The following PDXDC1 variants were observed in gnomAD, a reference collection of about 807,000 sequenced individuals.
PDXDC1 encodes the protein pyridoxal dependent decarboxylase domain containing 1.
Under a neutral mutation model 100.1 loss-of-function variants are expected in PDXDC1, and 42 were observed. The ratio of observed to expected loss-of-function variants is 0.42; its 90% CI spans 0.33 to 0.54. The LOEUF is 0.54. Ranked by LOEUF, PDXDC1 falls within the 20% of genes least tolerant of loss-of-function variation. The pLI is 0.10. For missense variants in PDXDC1, 636 were observed against 979.2 expected, an observed-to-expected ratio of 0.65 and a Z score of 4.68; for synonymous variants, 260 against 371.7, an observed-to-expected ratio of 0.70 and a Z score of 3.46.
chr16:15,056,667 CCTGTGAT>C (rs1180124482), intron 16 of PDXDC1, among the ~76,000 whole-genome samples: 2 of 152,116 alleles, frequency 1.3e-5, no homozygotes, highest in Non-Finnish European at 1.5e-5. Flanking sequence ...GTGGCATGCA[CCTGTGAT>C]CCCAGCCACT....
rs1267932885 is a variant in PDXDC1 at position 15,037,914 on chromosome 16, C to T, written c.*1639C>T. ...TTTGATGAAAGTCATTTGAAAGACA[C>T]TGAGGAGGGAAGGAGGCCTAAGACC... On this transcript the variant is annotated 3_prime_UTR_variant, in exon 23 of 23. Coordinates refer to ENST00000396410, the MANE Select transcript of PDXDC1 (RefSeq NM_015027.4). 5 of 637,706 alleles carry T rather than the reference C, an allele frequency of 7.8e-6. No homozygotes were observed. Among genetic ancestry groups the T allele is most frequent in the African/African-American group, 5.5e-5 (3 of 54,770 alleles). 39.5% of individuals were successfully genotyped at this position (637,706 alleles called of 1,614,324 possible).
chr16:15,142,218 T>G (rs1008326564), downstream of PDXDC1, among the ~76,000 whole-genome samples: 1 of 152,036 alleles, frequency 6.6e-6, no homozygotes, highest in African/African-American at 2.4e-5. Flanking sequence ...TGGGGGCAGG[T>G]CAGCCGAGGA....
chr16:15,035,285 C>T (rs1019660383), intron 21 of PDXDC1, among the ~76,000 whole-genome samples, 164 bp from the exon 22 acceptor site: 1 of 152,164 alleles, frequency 6.6e-6, no homozygotes, highest in African/African-American at 2.4e-5. Context: ...AGGTGGCTTT[C>T]TCTAGCTCAC....
intron 16 of PDXDC1, among the ~76,000 whole-genome samples, chr16:15,057,231 G>GTTC (rs1246540110): frequency 1.3e-5 from 2 of 152,098 alleles, no homozygotes; most frequent in African/African-American, 4.8e-5. Context: ...AGAAGATGGT[G>GTTC]TTCCCATCGC....
chr16:15,031,271 TAA>T (rs2043049258), intron 16 of PDXDC1, among the ~76,000 whole-genome samples: 1 of 152,064 alleles, frequency 6.6e-6, no homozygotes, highest in South Asian at 2.1e-4. Flanking sequence ...ACTTAGTCTC[TAA>T]AACTGCAAAA....
chr16:15,023,650 G>A (rs1487218168), intron 13 of PDXDC1, among the ~76,000 whole-genome samples: 2 of 152,264 alleles, frequency 1.3e-5, no homozygotes, highest in African/African-American at 4.8e-5. Flanking sequence ...CAGAGACCCT[G>A]TCTCAAGGAA....
At chr16:15,146,797 C>G in the PDXDC1 span, among the ~76,000 whole-genome samples, 3 of 152,088 alleles carry the variant, frequency 2.0e-5, no homozygotes, top group South Asian at 6.2e-4. Flanking sequence ...CCTGAGGGAA[C>G]CGACAGAGCT....
chr16:15,077,021 C>T (rs2045488700), intron 16 of PDXDC1, among the ~76,000 whole-genome samples: 1 of 150,914 alleles, frequency 6.6e-6, no homozygotes, highest in Non-Finnish European at 1.5e-5. Context: ...CTCTTGTTGC[C>T]CAGGCTGGAA....
the PDXDC1 span, among the ~76,000 whole-genome samples, chr16:15,149,069 G>A: frequency 1.3e-5 from 2 of 152,200 alleles, no homozygotes; most frequent in Non-Finnish European, 2.9e-5. Flanking sequence ...CATGCAGGAT[G>A]CAGGTCCTCA....
chr16:14,977,252 C>CA (rs1434033636), intron 1 of PDXDC1, among the ~76,000 whole-genome samples: 6 of 138,268 alleles, frequency 4.3e-5, no homozygotes, highest in Non-Finnish European at 9.2e-5. Flanking sequence ...GTAAGTTTTT[C>CA]AGAACTATGG....
intron 1 of PDXDC1, chr16:14,990,171 G>A: frequency 7.5e-7 from 1 of 1,340,150 alleles, no homozygotes; most frequent in Non-Finnish European, 9.6e-7. Context: ...CGGGCCGCCA[G>A]GCGCGGGCAA....
intron 16 of PDXDC1, among the ~76,000 whole-genome samples, chr16:15,102,898 T>C (rs77963038): frequency 0.041 from 5,658 of 138,936 alleles, 138 homozygotes; most frequent in Admixed American, 0.11. Flanking sequence ...GATTGAGCCA[T>C]TGCACTCCAG....
chr16:15,083,736 G>C, intron 16 of PDXDC1: 2 of 1,079,590 alleles, frequency 1.9e-6, no homozygotes, highest in East Asian at 5.7e-5. Context: ...TGTTTTTTGA[G>C]ACGGAGTTTC....
At chr16:15,001,277 C>G (rs1227770398) in intron 3 of PDXDC1, among the ~76,000 whole-genome samples, 1 of 152,226 alleles carries the variant, frequency 6.6e-6, no homozygotes, top group Non-Finnish European at 1.5e-5. Flanking sequence ...TCACTTGAAG[C>G]CAGGAGTTGA....
chr16:15,040,475 A>AAC (rs2043764259), downstream of PDXDC1: 1 of 185,156 alleles, frequency 5.4e-6, no homozygotes, highest in African/African-American at 2.4e-5. Flanking sequence ...TAGAACAGTG[A>AAC]ACACTGTGTA....
chr16:15,051,709 T>C lies in PDXDC1; in HGVS notation c.1399+21653T>C, dbSNP rs866667442. On this transcript the variant is annotated intron_variant, in intron 16 of 16. Transcript: ENST00000535621. ...CTACTTTATTTTTAATTTTTTTTTT[T>C]TTTTTTTTAGAGACAAGGCCTCACT... is the stretch of plus-strand genomic sequence containing the variant. Among the ~76,000 whole-genome samples the C allele has an allele frequency of 8.5e-4, 127 of 148,952 alleles. 1 individual carries two copies. In the Middle Eastern group the frequency reaches 0.014, roughly 16 times the overall value.
chr16:15,023,093 C>G (rs2042328634), intron 13 of PDXDC1, among the ~76,000 whole-genome samples: 2 of 152,280 alleles, frequency 1.3e-5, no homozygotes, highest in African/African-American at 4.8e-5. Context: ...CTCTTCTTCC[C>G]AAAATGAAAA....
intron 1 of PDXDC1, chr16:14,988,258 C>T: frequency 6.2e-7 from 1 of 1,613,790 alleles, no homozygotes; most frequent in South Asian, 1.1e-5. Flanking sequence ...TGTTAGTTCA[C>T]TCAGACACTG....
At chr16:15,058,297 A>AAAAAG in intron 16 of PDXDC1, among the ~76,000 whole-genome samples, 1 of 152,232 alleles carries the variant, frequency 6.6e-6, no homozygotes. Flanking sequence ...CGTCTCAAAA[A>AAAAAG]AAAAAGAAAA....
Sources: allele counts gnomAD v4.1 joint callset (sites outside exome capture counted in the v4.1 genomes callset), GRCh38; gene constraint gnomAD v4.1.1; transcripts MANE v1.5; gene names NCBI Gene and HGNC (gene_info 2026-07-23, HGNC 2026-07-21).